Variants in SMIM17 observed in about 807,000 individuals in gnomAD.
SMIM17 encodes small integral membrane protein 17.
In SMIM17, 10 loss-of-function variants were observed where a neutral mutation model predicts 12.2. That is an observed-to-expected ratio of 0.82 (90% confidence interval 0.50 to 1.39). The LOEUF is 1.39. Among genes scored for constraint, SMIM17 ranks in the 40% most tolerant of loss-of-function variants. The probability of loss-of-function intolerance (pLI) is 0.00; values close to 1 mark genes in which losing one functional copy is unlikely to be tolerated. For synonymous variants in SMIM17, 50 were observed against 44.1 expected, an observed-to-expected ratio of 1.13 and a Z score of -0.53; for missense variants, 136 against 118.2, an observed-to-expected ratio of 1.15 and a Z score of -0.70.
chr19:56,649,565 A>G (rs570318011), intron 3 of SMIM17, among the ~76,000 whole-genome samples: 4 of 152,292 alleles, frequency 2.6e-5, no homozygotes, highest in Admixed American at 6.5e-5. Context: ...CTTGTCTAGG[A>G]AAGTCCCCAC....
Position 56,655,720 on chromosome 19 carries a change from A to G in SMIM17, c.*507A>G, listed in dbSNP as rs543231438. On this transcript the variant is annotated 3_prime_UTR_variant, in exon 4 of 4. Coordinates refer to ENST00000598409, the MANE Select transcript of SMIM17 (RefSeq NM_001193628.2). ...TTGGTATCATGGTTAAGCTTGCATC[A>G]TAGAAAGACTTGGGTAACTTTTACC... The G allele has an allele frequency of 2.1e-4, 33 of 154,236 alleles. No individual in the cohort carries two copies. The highest frequency in any genetic ancestry group is 7.4e-4 in the African/African-American group (31 of 41,626). The allele number at this position is 154,236 out of a possible 1,614,324, so 9.6% of individuals were successfully genotyped here.
chr19:56,657,064 T>C lies in SMIM17; in HGVS notation c.*1851T>C, dbSNP rs572994389. On this transcript the variant is annotated 3_prime_UTR_variant, in exon 4 of 4. Transcript: ENST00000598409. ...ACCAATAAGGTTATGTGAAACTTTG[T>C]TAGTACAATTGTTTTTGCTAATAAA... Among the ~76,000 whole-genome samples the C allele has an allele frequency of 2.5e-3, 388 of 152,372 alleles. 1 individual carries two copies. Among genetic ancestry groups the C allele is most frequent in the African/African-American group, 9.0e-3 (374 of 41,590 alleles).
intron 1 of SMIM17, among the ~76,000 whole-genome samples, chr19:56,644,299 T>G (rs951248460): frequency 5.9e-5 from 9 of 152,138 alleles, no homozygotes; most frequent in Non-Finnish European, 1.3e-4. Context: ...CCCATAGGAA[T>G]TTTCTTGCCC....
intron 3 of SMIM17, among the ~76,000 whole-genome samples, chr19:56,648,013 C>G (rs1461418423): frequency 3.3e-5 from 5 of 151,746 alleles, no homozygotes; most frequent in Non-Finnish European, 7.4e-5. Flanking sequence ...CTCTTTCATC[C>G]ACCTAAACTT....
chr19:56,643,272 G>C (rs2045037423), intron 1 of SMIM17, 62 bp downstream of exon 1: 1 of 154,176 alleles, frequency 6.5e-6, no homozygotes, highest in Non-Finnish European at 1.4e-5. Context: ...CTGGGGGCGC[G>C]GGCGGCGATC....
At chr19:56,644,233 A>T (rs1239478017) in intron 1 of SMIM17, among the ~76,000 whole-genome samples, 1 of 152,130 alleles carries the variant, frequency 6.6e-6, no homozygotes, top group African/African-American at 2.4e-5. Context: ...ACCCCAAAGC[A>T]ATAAACAAAT....
At chr19:56,648,307 C>A (rs1016815954) in intron 3 of SMIM17, among the ~76,000 whole-genome samples, 21 of 149,594 alleles carry the variant, frequency 1.4e-4, no homozygotes, top group African/African-American at 3.2e-4. Context: ...ATTGAACATC[C>A]ACCAACTATT....
At chr19:56,654,281 G>A (rs2148045360) in intron 3 of SMIM17, among the ~76,000 whole-genome samples, 1 of 152,354 alleles carries the variant, frequency 6.6e-6, no homozygotes, top group Middle Eastern at 3.4e-3. Context: ...GTATCTGGAG[G>A]AAGGGCATTC....
rs1568516819 is a variant in SMIM17 at position 56,645,827 on chromosome 19, G to A, written c.160G>A (p.Asp54Asn). ...VEVGASSHDS[D>N]EKDLSSQETG... ...GGTTGGGGCCTCCAGCCATGACAGT[G>A]ATGAGAAAGGTGAGAGGCAGGGGTC... is the stretch of plus-strand genomic sequence containing the variant. Residue 54 changes from aspartate to asparagine, a missense_variant, in exon 2 of 4, where the codon GAT becomes AAT. Physicochemically the swap from Asp to Asn is conservative, Grantham distance 23 (BLOSUM62 1). Transcript: ENST00000598409. 2.0e-6 allele frequency: 3 copies of A among 1,532,854 alleles called. No individual in the cohort carries two copies. Among genetic ancestry groups the A allele is most frequent in the Non-Finnish European group, 2.6e-6 (3 of 1,145,580 alleles). 95.0% of individuals were successfully genotyped at this position (1,532,854 alleles called of 1,614,324 possible).
At chr19:56,646,036 T>A (rs1212237174) in intron 2 of SMIM17, among the ~76,000 whole-genome samples, 200 bp downstream of exon 2, 1 of 152,222 alleles carries the variant, frequency 6.6e-6, no homozygotes, top group African/African-American at 2.4e-5. Context: ...CAGCTCATGA[T>A]TCTGTGGGTC....
chr19:56,644,322 A>G (rs1350278563), intron 1 of SMIM17, among the ~76,000 whole-genome samples: 1 of 152,166 alleles, frequency 6.6e-6, no homozygotes, highest in African/African-American at 2.4e-5. Context: ...AAAAATGTCT[A>G]GGCAGCCTCC....
At chr19:56,644,124 C>T (rs1457805203) in intron 1 of SMIM17, among the ~76,000 whole-genome samples, 3 of 152,056 alleles carry the variant, frequency 2.0e-5, no homozygotes, top group African/African-American at 4.8e-5. Context: ...CCATCTGTCA[C>T]CCCGCTTGCC....
At chr19:56,652,491 A>T (rs2045117140) in intron 3 of SMIM17, among the ~76,000 whole-genome samples, 1 of 151,978 alleles carries the variant, frequency 6.6e-6, no homozygotes, top group African/African-American at 2.4e-5. Context: ...CGTCTGTACT[A>T]AAAATACGAA....
intron 3 of SMIM17, among the ~76,000 whole-genome samples, chr19:56,649,974 C>T (rs1408298591): frequency 1.3e-5 from 2 of 151,888 alleles, no homozygotes; most frequent in African/African-American, 2.4e-5. Context: ...TGGGAGCCAT[C>T]GAAGGTGTTC....
rs2045056564 is a variant in SMIM17, at chr19:56,645,618, A to G, written c.-50A>G. ...GGAGAACCAGAGAGGACCCTGGAGC[A>G]GGAGGAGAAAGAGAAGCTTGTCTCA... On this transcript the variant is annotated 5_prime_UTR_variant, in exon 2 of 4. Coordinates refer to ENST00000598409, the MANE Select transcript of SMIM17 (RefSeq NM_001193628.2). 7.0e-7 allele frequency: 1 copy of G among 1,429,174 alleles called. No individual in the cohort carries two copies. The highest frequency in any genetic ancestry group is 1.4e-5 in the African/African-American group (1 of 69,084). The allele number at this position is 1,429,174 out of a possible 1,614,324, so 88.5% of individuals were successfully genotyped here. A position where few individuals can be genotyped will look rare whatever the true frequency, so the allele number is the denominator to read the frequency against.
chr19:56,653,009 A>G (rs1411773277), intron 3 of SMIM17, among the ~76,000 whole-genome samples: 3 of 152,218 alleles, frequency 2.0e-5, no homozygotes, highest in African/African-American at 4.8e-5. Context: ...TGTATTTATT[A>G]CATTTTCTTA....
intron 1 of SMIM17, among the ~76,000 whole-genome samples, chr19:56,645,209 G>A (rs1222951970): frequency 6.6e-6 from 1 of 151,782 alleles, no homozygotes; most frequent in Non-Finnish European, 1.5e-5. Flanking sequence ...ATGTGGATGT[G>A]TGTGTGTTTG....
intron 2 of SMIM17, 127 bp from the exon 3 acceptor site, chr19:56,647,431 G>GAGAGAGAGAGAGAGAGAGAGAGAC: frequency 2.6e-6 from 1 of 381,620 alleles, no homozygotes; most frequent in African/African-American, 4.5e-5. Context: ...GAGAGAGAGA[G>GAGAGAGAGAGAGAGAGAGAGAGAC]AGAGAGAGAG....
Position 56,647,630 on chromosome 19 carries a change from C to A in SMIM17, c.242C>A (p.Ser81Tyr), listed in dbSNP as rs1432547879. ...GAGGAAGATGACGAATCAGAGGGCT[C>A]CCAGGTACACTGGGGGGTTTGTTCT... ...SVEEDDESEGSQGFVEWSKAP... is the reference protein window; with the variant it reads ...SVEEDDESEGYQGFVEWSKAP... Residue 81 changes from serine to tyrosine, a missense_variant, in exon 3 of 4, where the codon TCC becomes TAC. By Grantham distance (144) the Ser-to-Tyr change is moderately radical. Transcript: ENST00000598409. The A allele has an allele frequency of 6.5e-6, 10 of 1,535,658 alleles. No homozygotes were observed. The African/African-American group carries it at 9.6e-5, about 15-fold the overall frequency.
Sources: gnomAD v4.1 joint callset for allele counts (sites outside exome capture counted in the v4.1 genomes callset) on GRCh38, gnomAD v4.1.1 for gene constraint, MANE v1.5 for transcripts, NCBI Gene and HGNC (gene_info 2026-07-23, HGNC 2026-07-21) for gene names.